KALRN: variants seen among roughly 807,000 people sequenced by gnomAD.
KALRN encodes the protein kalirin.
A neutral mutation model predicts 353.7 loss-of-function variants in KALRN; 70 were observed. The ratio of observed to expected loss-of-function variants is 0.20; its 90% CI spans 0.16 to 0.24. The LOEUF (loss-of-function observed/expected upper bound fraction) is 0.24. Ranked by LOEUF, KALRN falls within the 10% of genes least tolerant of loss-of-function variation. The pLI, the probability that KALRN is intolerant of heterozygous loss-of-function variation, is 1.00. For missense variants in KALRN, 2,791 were observed against 3,756.7 expected (o/e 0.74, Z 6.72); for synonymous variants, 1,391 against 1,434.8 (o/e 0.97, Z 0.69).
rs763469295 is a variant in KALRN, at chr3:124,287,682, C to A, written c.970-11109C>A. Among the ~76,000 whole-genome samples, 3 of 149,438 alleles carry A rather than the reference C, an allele frequency of 2.0e-5. No homozygotes were observed. The South Asian group carries it at 6.4e-4, about 32-fold the overall frequency. On this transcript the variant is annotated intron_variant, in intron 5 of 59. Transcript: ENST00000682506. ...GTCAGGGACAGACCATAAGTCTCCA[C>A]GTGAACATTTTAAATAAAAATGCAA...
chr3:124,466,371 T>C (rs1305689892), intron 25 of KALRN, among the ~76,000 whole-genome samples: 1 of 152,170 alleles, frequency 6.6e-6, no homozygotes, highest in Non-Finnish European at 1.5e-5. Context: ...CCTGGAGCAC[T>C]CAGACAGGAG....
At position 124,697,728 on chromosome 3, in the gene KALRN, C is replaced by A; in HGVS notation, c.7831+4C>A. The A allele has an allele frequency of 6.4e-7, 1 of 1,550,578 alleles. No individual in the cohort carries two copies. Among genetic ancestry groups the A allele is most frequent in the South Asian group, 1.2e-5 (1 of 81,810 alleles). ...ACTGTGGAGTACAGAGAGGAAGGTG[C>A]ACTATCTCCTGCTCTTCTTTTTCTT... is the stretch of plus-strand genomic sequence containing the variant. On this transcript the variant is annotated splice_donor_region_variant and intron_variant, in intron 55 of 59. Transcript: ENST00000682506.
intron 1 of KALRN, among the ~76,000 whole-genome samples, chr3:124,047,630 CT>C (rs2040613439): frequency 1.3e-5 from 2 of 150,596 alleles, no homozygotes; most frequent in Non-Finnish European, 3.0e-5. Flanking sequence ...GTAGCTGCAA[CT>C]ACAGGCGCCC....
At chr3:124,568,066 G>C (rs1301554517) in intron 34 of KALRN, among the ~76,000 whole-genome samples, 1 of 152,096 alleles carries the variant, frequency 6.6e-6, no homozygotes, top group Admixed American at 6.5e-5. Context: ...GCACCCCCAG[G>C]GTGTCAAGCT....
At chr3:124,439,116 T>TTTCTTTCTTTCTCTTTCTCTC (rs2093577336) in intron 18 of KALRN, 79 bp downstream of exon 18, 13 of 1,405,310 alleles carry the variant, frequency 9.3e-6, no homozygotes, top group Non-Finnish European at 1.3e-5. Context: ...CTCTTTCTCT[T>TTTCTTTCTTTCTCTTTCTCTC]TTCTTTCTTT....
chr3:124,306,497 C>T (rs1333139103), intron 6 of KALRN, among the ~76,000 whole-genome samples: 1 of 152,028 alleles, frequency 6.6e-6, no homozygotes, highest in East Asian at 1.9e-4. Flanking sequence ...AAACATGAGA[C>T]ACCATTAAGT....
intron 1 of KALRN, among the ~76,000 whole-genome samples, chr3:124,052,933 T>C (rs1346080739): frequency 5.3e-5 from 8 of 151,798 alleles, no homozygotes; most frequent in Admixed American, 5.3e-4. Context: ...AGGGAGAGAG[T>C]TGTATAAACA....
At chr3:124,161,042 G>C (rs2069851970) in intron 1 of KALRN, among the ~76,000 whole-genome samples, 1 of 152,186 alleles carries the variant, frequency 6.6e-6, no homozygotes, top group South Asian at 2.1e-4. Context: ...GAGATGGCTG[G>C]TGGTGATGGT....
At chr3:124,294,769 A>G (rs937771563) in intron 5 of KALRN, among the ~76,000 whole-genome samples, 1 of 152,152 alleles carries the variant, frequency 6.6e-6, no homozygotes, top group Non-Finnish European at 1.5e-5. Flanking sequence ...AGTTGTAGCA[A>G]TGAATATATC....
chr3:124,570,385 A>G (rs538732281), intron 34 of KALRN, among the ~76,000 whole-genome samples: 3 of 152,176 alleles, frequency 2.0e-5, no homozygotes, highest in Non-Finnish European at 4.4e-5. Flanking sequence ...GTAATTGACT[A>G]GATGTGAGGT....
chr3:124,430,513 G>A lies in KALRN; in HGVS notation c.2710-143G>A, dbSNP rs577557978. ...GTATGATTGGGGAGATGACCATTTT[G>A]ATTATGGTGACATTTGCTGTCCTCT... On this transcript the variant is annotated intron_variant, in intron 15 of 59. Coordinates refer to ENST00000682506, the MANE Select transcript of KALRN (RefSeq NM_001388419.1). 10 of 962,176 alleles carry A rather than the reference G, an allele frequency of 1.0e-5. No homozygotes were observed. The South Asian group carries it at 1.7e-4, about 17-fold the overall frequency. 59.6% of individuals were successfully genotyped at this position (962,176 alleles called of 1,614,324 possible).
At chr3:124,703,432 T>C (rs1043991461) in intron 57 of KALRN, among the ~76,000 whole-genome samples, 1 of 152,184 alleles carries the variant, frequency 6.6e-6, no homozygotes, top group Non-Finnish European at 1.5e-5. Flanking sequence ...TACTGCTTAA[T>C]ACACAAACAT....
intron 13 of KALRN, among the ~76,000 whole-genome samples, chr3:124,412,375 C>T (rs927258590): frequency 1.3e-5 from 2 of 152,190 alleles, no homozygotes; most frequent in Admixed American, 6.5e-5. Flanking sequence ...AAATGTGTGA[C>T]CTGGAGTGAC....
chr3:124,373,978 T>C (rs1453210088), intron 10 of KALRN, among the ~76,000 whole-genome samples: 6 of 152,068 alleles, frequency 3.9e-5, no homozygotes, highest in Non-Finnish European at 4.4e-5. Flanking sequence ...CCCAGGGAGG[T>C]TAACTAAGGT....
chr3:124,352,501 A>G (rs1416427394), intron 10 of KALRN, among the ~76,000 whole-genome samples: 1 of 152,250 alleles, frequency 6.6e-6, no homozygotes, highest in East Asian at 1.9e-4. Flanking sequence ...GCCTCAGAGC[A>G]CCAAATCACA....
chr3:124,217,382 C>A (rs1271358648), intron 1 of KALRN, among the ~76,000 whole-genome samples: 1 of 152,114 alleles, frequency 6.6e-6, no homozygotes, highest in East Asian at 1.9e-4. Context: ...ATATGGTTAG[C>A]CAATTTATCT....
chr3:124,091,754 G>A (rs2061131704), intron 1 of KALRN, among the ~76,000 whole-genome samples: 1 of 152,164 alleles, frequency 6.6e-6, no homozygotes. Flanking sequence ...GGGAATAGTT[G>A]TGCTTGCTTT....
chr3:124,286,082 C>CCTTCCTTCCTTCCTTTCTTTCTTT (rs1553893895), intron 5 of KALRN, among the ~76,000 whole-genome samples: 4 of 102,156 alleles, frequency 3.9e-5, no homozygotes, highest in Admixed American at 1.1e-4. Flanking sequence ...TTCTTTCCTT[C>CCTTCCTTCCTTCCTTTCTTTCTTT]CTTTCTTTCT....
chr3:124,424,187 A>G lies in KALRN; in HGVS notation c.2709+1209A>G, dbSNP rs143326338. Among the ~76,000 whole-genome samples, 1,371 of 152,072 alleles carry G rather than the reference A, an allele frequency of 9.0e-3. 48 individuals carry two copies. The highest frequency in any genetic ancestry group is 0.063 in the Admixed American group (963 of 15,266). On this transcript the variant is annotated intron_variant, in intron 15 of 59. Transcript: ENST00000682506. ...TTCCCAGCAGGGCAGGTACCACATCACTCCTGTGGTTGCCCCTTTCTGCCC... is the reference window on the plus strand; with the variant it reads ...TTCCCAGCAGGGCAGGTACCACATCGCTCCTGTGGTTGCCCCTTTCTGCCC...
Sources: gnomAD v4.1 joint callset for allele counts (sites outside exome capture counted in the v4.1 genomes callset) on GRCh38, gnomAD v4.1.1 for gene constraint, MANE v1.5 for transcripts, NCBI Gene and HGNC (gene_info 2026-07-23, HGNC 2026-07-21) for gene names.